CDH18: variants seen among roughly 807,000 people sequenced by gnomAD.
CDH18 encodes cadherin-18.
A neutral mutation model predicts 67.9 loss-of-function variants in CDH18; 31 were observed. The ratio of observed to expected loss-of-function variants is 0.46; its 90% confidence interval spans 0.34 to 0.62. CDH18 has a LOEUF of 0.62. CDH18 is among the 20% of genes least tolerant of loss of function. The pLI is 0.01. For synonymous variants in CDH18, 362 were observed against 347.2 expected (o/e 1.04, Z -0.48); for missense variants, 890 against 975.5 (o/e 0.91, Z 1.17).
intron 2 of CDH18, among the ~76,000 whole-genome samples, chr5:20,151,134 C>A (rs2126568005): frequency 6.6e-6 from 1 of 151,884 alleles, no homozygotes. Context: ...GATAGTTTTT[C>A]AATTCATACC....
chr5:20,197,615 C>T (rs986879284), intron 2 of CDH18, among the ~76,000 whole-genome samples: 3 of 152,130 alleles, frequency 2.0e-5, no homozygotes, highest in African/African-American at 7.2e-5. Flanking sequence ...CTAGGGCACC[C>T]AGACAATCTT....
At chr5:20,173,306 T>G (rs954731441) in intron 2 of CDH18, among the ~76,000 whole-genome samples, 1 of 152,078 alleles carries the variant, frequency 6.6e-6, no homozygotes, top group Non-Finnish European at 1.5e-5. Flanking sequence ...TCAAGGAAAC[T>G]AAAAAGCAAA....
chr5:19,603,027 AT>A (rs1747409203), intron 6 of CDH18, among the ~76,000 whole-genome samples: 1 of 152,122 alleles, frequency 6.6e-6, no homozygotes, highest in East Asian at 1.9e-4. Context: ...CCGCTTCTGG[AT>A]ATATACTTAA....
chr5:19,871,059 G>A (rs1311812095), intron 2 of CDH18, among the ~76,000 whole-genome samples: 2 of 152,144 alleles, frequency 1.3e-5, no homozygotes, highest in East Asian at 3.9e-4. Flanking sequence ...TATGAGATGA[G>A]TACTAATATT....
At chr5:20,218,389 G>A (rs1740946333) in intron 2 of CDH18, among the ~76,000 whole-genome samples, 1 of 151,914 alleles carries the variant, frequency 6.6e-6, no homozygotes, top group African/African-American at 2.4e-5. Flanking sequence ...CAAATACATG[G>A]AAATTAAACA....
chr5:20,256,137 T>C (rs1322323211), intron 1 of CDH18, among the ~76,000 whole-genome samples: 1 of 152,036 alleles, frequency 6.6e-6, no homozygotes, highest in Non-Finnish European at 1.5e-5. Context: ...CCCTAATGTA[T>C]ACATTACGTG....
At chr5:20,118,914 T>C (rs746965347) in intron 2 of CDH18, among the ~76,000 whole-genome samples, 4 of 152,164 alleles carry the variant, frequency 2.6e-5, no homozygotes, top group Non-Finnish European at 5.9e-5. Context: ...CCCTTTCACA[T>C]ACTAACAGGT....
chr5:19,960,584 T>TATATATATATATACACACAC (rs1561635424), intron 2 of CDH18, among the ~76,000 whole-genome samples: 3 of 123,460 alleles, frequency 2.4e-5, no homozygotes, highest in African/African-American at 9.6e-5. Flanking sequence ...TGTGTGTGTG[T>TATATATATATATACACACAC]GTGTGTATAT....
At chr5:20,308,529 C>T (rs184539617) in intron 1 of CDH18, among the ~76,000 whole-genome samples, 24 of 139,002 alleles carry the variant, frequency 1.7e-4, no homozygotes, top group Admixed American at 1.3e-3. Flanking sequence ...GCCAACAGGG[C>T]GAGACTCAGT....
At chr5:20,145,392 C>A (rs1008986190) in intron 2 of CDH18, among the ~76,000 whole-genome samples, 16 of 152,106 alleles carry the variant, frequency 1.1e-4, no homozygotes, top group African/African-American at 3.9e-4. Flanking sequence ...TGATAAACTT[C>A]CTCATTTTTC....
rs140236487 is a variant in CDH18 at position 19,805,023 on chromosome 5, G to A, written c.228+33736C>T. On this transcript the variant is annotated intron_variant, in intron 3 of 12. Transcript: ENST00000382275. ...CCCATGGCACACAATCTCAACTCACGGCAGCCTCTGCCTACAAGGTTCAAA... is the reference window on the plus strand; with the variant it reads ...CCCATGGCACACAATCTCAACTCACAGCAGCCTCTGCCTACAAGGTTCAAA... 3.4e-3 allele frequency among the ~76,000 whole-genome samples: 516 copies of A among 151,484 alleles called. 4 individuals are homozygous for A. Among genetic ancestry groups the A allele is most frequent in the African/African-American group, 0.012 (490 of 41,250 alleles).
intron 1 of CDH18, among the ~76,000 whole-genome samples, chr5:20,326,190 CTA>C (rs1276801940): frequency 6.6e-6 from 1 of 152,128 alleles, no homozygotes; most frequent in Non-Finnish European, 1.5e-5. Flanking sequence ...AATACTGTAC[CTA>C]TAAGTTATCA....
chr5:20,537,859 T>C (rs1195066057), intron 1 of CDH18, among the ~76,000 whole-genome samples: 1 of 152,182 alleles, frequency 6.6e-6, no homozygotes, highest in Non-Finnish European at 1.5e-5. Context: ...CCTGGCTGCA[T>C]TTGCCTGTAG....
At chr5:20,451,867 T>C (rs1194849898) in intron 1 of CDH18, among the ~76,000 whole-genome samples, 1 of 152,182 alleles carries the variant, frequency 6.6e-6, no homozygotes, top group Non-Finnish European at 1.5e-5. Flanking sequence ...CATTGAAAAC[T>C]AATGTTTTAT....
intron 1 of CDH18, among the ~76,000 whole-genome samples, chr5:20,477,538 A>G (rs1752522322): frequency 6.6e-6 from 1 of 152,198 alleles, no homozygotes; most frequent in Admixed American, 6.5e-5. Context: ...CACAGCAAAA[A>G]GCAGCATGGG....
intron 2 of CDH18, among the ~76,000 whole-genome samples, chr5:20,186,527 C>T (rs13436938): frequency 0.031 from 4,740 of 151,878 alleles, 265 homozygotes; most frequent in African/African-American, 0.11. Context: ...AAAGAAGATA[C>T]AAAAATGGCC....
At position 19,564,101 on chromosome 5, in the gene CDH18, T is replaced by G. The variant is rs141608354; in HGVS notation, c.1253+7478A>C. On this transcript the variant is annotated intron_variant, in intron 8 of 12. Coordinates refer to ENST00000382275, the MANE Select transcript of CDH18 (RefSeq NM_004934.5). ...TGAGTTCTGGCTAGCCCCACCACTG[T>G]GGGCTAAAGCACTCCAGGGTCCTTA... 8.0e-3 allele frequency among the ~76,000 whole-genome samples: 1,221 copies of G among 152,298 alleles called. 21 individuals carry two copies. The highest frequency in any genetic ancestry group is 0.027 in the African/African-American group (1,137 of 41,560).
intron 2 of CDH18, among the ~76,000 whole-genome samples, chr5:20,217,373 G>C (rs1318326263): frequency 6.6e-6 from 1 of 151,844 alleles, no homozygotes; most frequent in South Asian, 2.1e-4. Flanking sequence ...GGAAAAAGCA[G>C]AGGTTGAAGT....
intron 2 of CDH18, among the ~76,000 whole-genome samples, chr5:20,156,028 T>G (rs186831622): frequency 2.6e-5 from 4 of 152,010 alleles, no homozygotes; most frequent in Non-Finnish European, 5.9e-5. Context: ...GAAACCACAA[T>G]GAGATACCAC....
Sources: gnomAD v4.1 joint callset for allele counts (sites outside exome capture counted in the v4.1 genomes callset) on GRCh38, gnomAD v4.1.1 for gene constraint, MANE v1.5 for transcripts, NCBI Gene and HGNC (gene_info 2026-07-23, HGNC 2026-07-21) for gene names.